Variants in PTPRS observed in about 807,000 individuals in gnomAD.
PTPRS encodes receptor-type tyrosine-protein phosphatase S.
Under a neutral mutation model 215.3 loss-of-function variants are expected in PTPRS, and 63 were observed. That is an observed-to-expected ratio of 0.29 (90% CI 0.24 to 0.36). The LOEUF (loss-of-function observed/expected upper bound fraction) is 0.36. Among genes scored for constraint, PTPRS ranks in the 10% least tolerant of loss-of-function variants. The pLI is 1.00. For missense variants in PTPRS, 2,258 were observed against 2,825.8 expected (o/e 0.80, Z 4.56); for synonymous variants, 1,404 against 1,191.4 (o/e 1.18, Z -3.68).
chr19:5,309,676 G>T (rs532032272), intron 1 of PTPRS, among the ~76,000 whole-genome samples: 10 of 152,100 alleles, frequency 6.6e-5, no homozygotes, highest in African/African-American at 2.4e-4. Flanking sequence ...CGATGTTCAG[G>T]ACAGAGGCCT....
At chr19:5,329,071 G>A (rs943658175) in intron 1 of PTPRS, among the ~76,000 whole-genome samples, 2 of 152,198 alleles carry the variant, frequency 1.3e-5, no homozygotes, top group South Asian at 2.1e-4. Flanking sequence ...GTTGCAGACA[G>A]AGCGATATCG....
At chr19:5,314,700 C>T (rs976272163) in intron 1 of PTPRS, among the ~76,000 whole-genome samples, 4 of 152,106 alleles carry the variant, frequency 2.6e-5, no homozygotes, top group African/African-American at 9.7e-5. Context: ...TGTTTCTCCA[C>T]ATTTCAAGTT....
At chr19:5,268,454 G>A (rs575302720) in intron 4 of PTPRS, among the ~76,000 whole-genome samples, 16 of 152,132 alleles carry the variant, frequency 1.1e-4, no homozygotes, top group African/African-American at 2.4e-4. Flanking sequence ...GTGGGTGGCC[G>A]TGGACAGAGG....
chr19:5,225,697 T>G (rs1421468911), intron 17 of PTPRS, 30 bp downstream of exon 17: 2 of 1,575,304 alleles, frequency 1.3e-6, no homozygotes, highest in Admixed American at 3.3e-5. Flanking sequence ...AAGGGGCTGT[T>G]GGTGGGTGGG....
chr19:5,236,092 C>CA (rs1431935191), intron 13 of PTPRS, among the ~76,000 whole-genome samples: 1 of 152,234 alleles, frequency 6.6e-6, no homozygotes, highest in Non-Finnish European at 1.5e-5. Context: ...CCCCACCCGC[C>CA]ACCCCGCGTC....
chr19:5,231,877 G>A lies in PTPRS; in HGVS notation c.1850-262C>T, dbSNP rs114547160. On this transcript the variant is annotated intron_variant, in intron 13 of 37. Coordinates refer to ENST00000262963, the MANE Select transcript of PTPRS (RefSeq NM_002850.4). Reference sequence around the variant, plus strand: ...GTGCTCACCAGGCTGCACCTACGTGGTGCACAGTAGGTCTTAGGCATTGGA... The same window carrying A: ...GTGCTCACCAGGCTGCACCTACGTGATGCACAGTAGGTCTTAGGCATTGGA... Among the ~76,000 whole-genome samples the A allele has an allele frequency of 7.3e-3, 1,105 of 152,272 alleles. 15 individuals are homozygous for A. The highest frequency in any genetic ancestry group is 0.025 in the African/African-American group (1,043 of 41,542).
At chr19:5,326,994 C>T (rs2050186544) in intron 1 of PTPRS, among the ~76,000 whole-genome samples, 1 of 152,182 alleles carries the variant, frequency 6.6e-6, no homozygotes, top group African/African-American at 2.4e-5. Flanking sequence ...ACCCTCCACA[C>T]CTGCTGAGGG....
intron 1 of PTPRS, among the ~76,000 whole-genome samples, chr19:5,320,892 T>C (rs1205298268): frequency 1.3e-5 from 2 of 152,164 alleles, no homozygotes; most frequent in Non-Finnish European, 2.9e-5. Flanking sequence ...GGTGGAGTCA[T>C]TGCTACTAAG....
chr19:5,214,803 A>T (rs1312817370), intron 28 of PTPRS, 67 bp from the exon 29 acceptor site: 1 of 1,489,552 alleles, frequency 6.7e-7, no homozygotes, highest in Non-Finnish European at 9.1e-7. Context: ...TGTGTGGCCA[A>T]CCACTTCCTG....
At chr19:5,271,874 G>A (rs891921512) in intron 4 of PTPRS, among the ~76,000 whole-genome samples, 3 of 151,534 alleles carry the variant, frequency 2.0e-5, no homozygotes, top group African/African-American at 4.9e-5. Context: ...ACAGGTGCAC[G>A]TCACCTCACC....
In PTPRS at chr19:5,214,775, G is replaced by A. The variant is rs368702592; in HGVS notation, c.4319-39C>T. On this transcript the variant is annotated intron_variant, in intron 28 of 37. Coordinates refer to ENST00000262963, the MANE Select transcript of PTPRS (RefSeq NM_002850.4). ...GAGAGGCCAGGGATCTGTGGGGGCTGTCTTGCTAGTTTGGCTCTGTGTGGC... is the reference window on the plus strand; with the variant it reads ...GAGAGGCCAGGGATCTGTGGGGGCTATCTTGCTAGTTTGGCTCTGTGTGGC... 2.0e-4 allele frequency: 311 copies of A among 1,565,700 alleles called. 2 individuals carry two copies. The highest frequency in any genetic ancestry group is 3.2e-4 in the Admixed American group (18 of 57,062).
intron 1 of PTPRS, among the ~76,000 whole-genome samples, chr19:5,326,789 A>AGGAG (rs10530954): frequency 6.9e-5 from 10 of 145,292 alleles, no homozygotes; most frequent in Admixed American, 1.4e-4. Context: ...GAAGGAAGGA[A>AGGAG]GGAGGGAGGG....
chr19:5,320,441 T>C (rs1457239397), intron 1 of PTPRS, among the ~76,000 whole-genome samples: 3 of 152,228 alleles, frequency 2.0e-5, no homozygotes, highest in Non-Finnish European at 4.4e-5. Flanking sequence ...ATTTTTTCTT[T>C]TTTAATTGAG....
chr19:5,271,708 TATTCATTC>T lies in PTPRS; in HGVS notation c.379+1726_379+1733del, dbSNP rs532699217. ...CTACCGCGCCCAGCCATTTCATTTT[TATTCATTC>T]ATTCATTCATTCATTCATTTATTTT... On this transcript the variant is annotated intron_variant, in intron 4 of 37. Coordinates refer to ENST00000262963, the MANE Select transcript of PTPRS (RefSeq NM_002850.4). Among the ~76,000 whole-genome samples, 255 of 151,338 alleles carry T rather than the reference TATTCATTC, an allele frequency of 1.7e-3. 1 individual carries two copies. Among genetic ancestry groups the T allele is most frequent in the African/African-American group, 5.8e-3 (237 of 41,134 alleles).
rs142306390 is a variant in PTPRS at position 5,230,840 on chromosome 19, G to C, written c.2155+470C>G. Among the ~76,000 whole-genome samples the C allele has an allele frequency of 1.8e-3, 277 of 152,288 alleles. 2 individuals carry two copies. The highest frequency in any genetic ancestry group is 6.4e-3 in the African/African-American group (266 of 41,550). ...GCTTCGACCACGTGACTCCAAGCTA[G>C]GACCACTGCCTTGCTTTCCAGCTTC... On this transcript the variant is annotated intron_variant, in intron 14 of 37. Coordinates refer to ENST00000262963, the MANE Select transcript of PTPRS (RefSeq NM_002850.4).
At chr19:5,239,706 TAG>T (rs555879574) in intron 12 of PTPRS, among the ~76,000 whole-genome samples, 6 of 116,536 alleles carry the variant, frequency 5.1e-5, no homozygotes, top group Non-Finnish European at 7.2e-5. Context: ...GAGACAGAAA[TAG>T]AGAGAGAGGA....
chr19:5,330,689 T>C (rs1006067820), intron 1 of PTPRS, among the ~76,000 whole-genome samples: 3 of 152,052 alleles, frequency 2.0e-5, no homozygotes, highest in Non-Finnish European at 2.9e-5. Flanking sequence ...GGGAAGGAAA[T>C]AATGAGGTCA....
intron 4 of PTPRS, chr19:5,273,055 G>A: frequency 3.6e-6 from 1 of 280,146 alleles, no homozygotes; most frequent in South Asian, 3.8e-5. Context: ...GACAGAGAGT[G>A]AGCTCTGAGA....
chr19:5,334,148 G>A (rs572415755), intron 1 of PTPRS, among the ~76,000 whole-genome samples: 140 of 152,324 alleles, frequency 9.2e-4, no homozygotes, highest in African/African-American at 3.1e-3. Flanking sequence ...GAAGTGGGGC[G>A]GCCTTGATTA....
Sources: allele counts gnomAD v4.1 joint callset (sites outside exome capture counted in the v4.1 genomes callset), GRCh38; gene constraint gnomAD v4.1.1; transcripts MANE v1.5; gene names NCBI Gene and HGNC (gene_info 2026-07-23, HGNC 2026-07-21).